GYG2: variants seen among roughly 807,000 people sequenced by gnomAD.
GYG2 encodes glycogenin-2.
Under a neutral mutation model 29.4 loss-of-function variants are expected in GYG2, and 29 were observed. The ratio of observed to expected loss-of-function variants is 0.99; its 90% CI spans 0.74 to 1.35. The LOEUF is 1.35. Ranked by LOEUF, GYG2 falls within the 40% of genes most tolerant of loss-of-function variation. GYG2 has a pLI of 0.00. For synonymous variants in GYG2, 167 were observed against 172.3 expected (o/e 0.97, Z 0.24); for missense variants, 370 against 385.7 (o/e 0.96, Z 0.34).
At chrX:2,874,159 A>T (rs183133562) in intron 8 of GYG2, among the ~76,000 whole-genome samples, 53 of 112,274 alleles carry the variant, frequency 4.7e-4, no homozygotes, top group African/African-American at 1.5e-3. Flanking sequence ...TAGTCAAATT[A>T]AAAAAAAGGT....
intron 3 of GYG2, among the ~76,000 whole-genome samples, chrX:2,850,064 C>G (rs1339321005): frequency 9.0e-6 from 1 of 111,033 alleles, no homozygotes; most frequent in Non-Finnish European, 1.9e-5. Flanking sequence ...CTGCAGTGAG[C>G]TATGATTACA....
At chrX:2,841,154 T>TGATAGATA (rs1292197560) in intron 2 of GYG2, among the ~76,000 whole-genome samples, 24 of 108,371 alleles carry the variant, frequency 2.2e-4, no homozygotes, top group Non-Finnish European at 3.8e-5. Flanking sequence ...GATGTATAGA[T>TGATAGATA]GATAGATAGG....
At chrX:2,876,898 G>C (rs1161430100) in intron 9 of GYG2, among the ~76,000 whole-genome samples, 4 of 110,544 alleles carry the variant, frequency 3.6e-5, no homozygotes, top group African/African-American at 1.3e-4. Flanking sequence ...GCAGTGAGCC[G>C]AGATCACGTC....
intron 2 of GYG2, among the ~76,000 whole-genome samples, chrX:2,841,279 T>C (rs1057226554): frequency 1.9e-5 from 2 of 107,842 alleles, no homozygotes; most frequent in African/African-American, 6.8e-5. Context: ...GTGCAGAGAA[T>C]TGGTAGATCA....
intron 8 of GYG2, among the ~76,000 whole-genome samples, chrX:2,875,333 C>T (rs992433282): frequency 1.7e-4 from 19 of 111,337 alleles, no homozygotes; most frequent in African/African-American, 6.2e-4. Context: ...TAGATATGGA[C>T]CATCCTTGGG....
chrX:2,875,795 C>G lies in GYG2; in HGVS notation c.1039-15C>G, dbSNP rs755824446. The G allele has an allele frequency of 9.1e-7, 1 of 1,099,343 alleles. No homozygotes were observed. The allele number at this position is 1,099,343 out of a possible 1,213,427, so 90.6% of individuals were successfully genotyped here. On this transcript the variant is annotated splice_polypyrimidine_tract_variant and intron_variant, in intron 8 of 10. Transcript: ENST00000398806. ...AGGTTTGACTTAACTTGCCTTTGCTCTTTCTTTATAACAGATGATAGCTTG... is the reference window on the plus strand; with the variant it reads ...AGGTTTGACTTAACTTGCCTTTGCTGTTTCTTTATAACAGATGATAGCTTG...
At chrX:2,880,436 GT>G (rs1373618600) in intron 10 of GYG2, among the ~76,000 whole-genome samples, 3 of 111,003 alleles carry the variant, frequency 2.7e-5, no homozygotes, top group Non-Finnish European at 3.8e-5. Context: ...GTGTGTGTGT[GT>G]GTGCACATGC....
rs1345607602 is a variant in GYG2, at chrX:2,842,866, G to A, written c.8-347G>A. The A allele has an allele frequency of 3.3e-5, 9 of 275,100 alleles. 1 individual carries two copies. The highest frequency in any genetic ancestry group is 5.9e-5 in the Non-Finnish European group (9 of 151,397). The allele number at this position is 275,100 out of a possible 1,213,427, so 22.7% of individuals were successfully genotyped here. ...GTCTCACTCTGTCATCCAGGCTGGA[G>A]TACAGTGGTGCAATCACGGCTCACT... On this transcript the variant is annotated intron_variant, in intron 2 of 10. Coordinates refer to ENST00000398806, the MANE Select transcript of GYG2 (RefSeq NM_001079855.2).
intron 2 of GYG2, among the ~76,000 whole-genome samples, chrX:2,834,469 G>T (rs892529512): frequency 1.8e-5 from 2 of 111,740 alleles, no homozygotes; most frequent in African/African-American, 6.5e-5. Flanking sequence ...AGCTTGGATG[G>T]TGCCCTTTCA....
At position 2,861,656 on chromosome X, in the gene GYG2, C is replaced by T; in HGVS notation, c.972C>T (p.Gly324=). The change falls in exon 8 of 11, where the codon GGC becomes GGT. Residue 324 remains glycine (G), a synonymous_variant. Transcript: ENST00000398806. ...SPLGSNQPAQ[G]LPEPTQIVDE... ...TGGGTTCTAACCAGCCTGCTCAGGG[C>T]CTTCCGGAGCCGACCCAGATAGTGG... 8.3e-7 allele frequency: 1 copy of T among 1,204,904 alleles called. No homozygotes were observed. The highest frequency in any genetic ancestry group is 1.7e-5 in the African/African-American group (1 of 57,686).
chrX:2,870,725 A>G (rs777269374), intron 8 of GYG2, among the ~76,000 whole-genome samples: 3 of 112,266 alleles, frequency 2.7e-5, no homozygotes, highest in African/African-American at 9.7e-5. Context: ...AATAACATCA[A>G]TGTAGTTTCA....
chrX:2,831,318 G>C (rs2087258808), intron 2 of GYG2, among the ~76,000 whole-genome samples: 1 of 111,975 alleles, frequency 8.9e-6, no homozygotes, highest in African/African-American at 3.2e-5. Flanking sequence ...CTCCTCCTTT[G>C]GCCTCTCAAA....
At position 2,830,045 on chromosome X, in the gene GYG2, A is replaced by G. The variant is rs1603458409; in HGVS notation, c.-128-16A>G. 5.5e-6 allele frequency: 3 copies of G among 546,170 alleles called. No individual in the cohort carries two copies. The East Asian group carries it at 1.1e-4, about 20-fold the overall frequency. The allele number at this position is 546,170 out of a possible 1,213,427, so 45.0% of individuals were successfully genotyped here. A position where few individuals can be genotyped will look rare whatever the true frequency, so the allele number is the denominator to read the frequency against. On this transcript the variant is annotated splice_polypyrimidine_tract_variant and intron_variant, in intron 1 of 10. Coordinates refer to ENST00000398806, the MANE Select transcript of GYG2 (RefSeq NM_001079855.2). Reference sequence around the variant, plus strand: ...TGCAGCCGAGGGTGTCGAGACTGCCACGCTGTCGCCCCCAGGCCTGGAAAT... The same window carrying G: ...TGCAGCCGAGGGTGTCGAGACTGCCGCGCTGTCGCCCCCAGGCCTGGAAAT...
At chrX:2,871,076 T>C (rs757270536) in intron 8 of GYG2, among the ~76,000 whole-genome samples, 26 of 110,494 alleles carry the variant, frequency 2.4e-4, no homozygotes, top group Non-Finnish European at 4.5e-4. Context: ...AGACCCTATC[T>C]GGGGCTGAGC....
At chrX:2,872,896 C>A (rs779603774) in intron 8 of GYG2, among the ~76,000 whole-genome samples, 5 of 111,903 alleles carry the variant, frequency 4.5e-5, no homozygotes, top group African/African-American at 6.5e-5. Flanking sequence ...CCTCTACCAG[C>A]CCTGGTTGAA....
At chrX:2,870,453 T>G (rs1269599431) in intron 8 of GYG2, among the ~76,000 whole-genome samples, 5 of 111,269 alleles carry the variant, frequency 4.5e-5, no homozygotes, top group Non-Finnish European at 7.5e-5. Context: ...TCCACCTGCC[T>G]GAGCCTCCCA....
intron 8 of GYG2, 77 bp from the exon 9 acceptor site, chrX:2,875,733 G>A: frequency 1.6e-6 from 1 of 642,243 alleles, no homozygotes; most frequent in Non-Finnish European, 2.5e-6. Flanking sequence ...AAAAAATGGA[G>A]TGGGTATTTT....
chrX:2,831,654 A>G (rs1327630322), intron 2 of GYG2, among the ~76,000 whole-genome samples: 1 of 112,037 alleles, frequency 8.9e-6, no homozygotes, highest in Non-Finnish European at 1.9e-5. Flanking sequence ...GCAGCATTCA[A>G]GACGGACATT....
intron 2 of GYG2, among the ~76,000 whole-genome samples, chrX:2,834,531 C>G (rs2087332330): frequency 9.0e-6 from 1 of 110,570 alleles, no homozygotes; most frequent in African/African-American, 3.3e-5. Flanking sequence ...ACACCCATTT[C>G]TTAGGGCTAA....
Sources: gnomAD v4.1 joint callset for allele counts (sites outside exome capture counted in the v4.1 genomes callset) on GRCh38, gnomAD v4.1.1 for gene constraint, MANE v1.5 for transcripts, NCBI Gene and HGNC (gene_info 2026-07-23, HGNC 2026-07-21) for gene names.